Variants in WDR47 observed in about 807,000 individuals in gnomAD.
The protein encoded by WDR47 is WD repeat-containing protein 47.
In WDR47, 32 loss-of-function variants were observed where a neutral mutation model predicts 97.2. The observed-to-expected ratio is 0.33, with a 90% CI of 0.25 to 0.44. The LOEUF is 0.44. Ranked by LOEUF, WDR47 falls within the 20% of genes least tolerant of loss-of-function variation. WDR47 has a pLI of 1.00. For synonymous variants in WDR47, 375 were observed against 373.5 expected, an observed-to-expected ratio of 1.00 and a Z score of -0.05; for missense variants, 782 against 1,102.3, an observed-to-expected ratio of 0.71 and a Z score of 4.11.
chr1:109,023,245 C>T (rs1661978162), intron 2 of WDR47, 110 bp downstream of exon 2: 2 of 1,018,804 alleles, frequency 2.0e-6, no homozygotes, highest in Non-Finnish European at 2.6e-6. Flanking sequence ...ATTATACTTA[C>T]ATAGCCTTTT....
chr1:109,022,138 A>G (rs1303766917), intron 2 of WDR47, among the ~76,000 whole-genome samples: 2 of 152,154 alleles, frequency 1.3e-5, no homozygotes, highest in Non-Finnish European at 2.9e-5. Context: ...TTGAGTCACC[A>G]TGCCCAGCCT....
At chr1:109,013,812 G>A in intron 4 of WDR47, 29 bp downstream of exon 4, 1 of 1,609,498 alleles carries the variant, frequency 6.2e-7, no homozygotes, top group Non-Finnish European at 8.5e-7. Context: ...CAAGACTAGG[G>A]CGCAAACCTT....
intron 6 of WDR47, 107 bp downstream of exon 6, chr1:109,004,485 A>T (rs1233147475): frequency 1.5e-6 from 2 of 1,310,456 alleles, no homozygotes; most frequent in Non-Finnish European, 1.0e-6. Context: ...TATGTATATT[A>T]TTTCCTACTC....
At chr1:108,976,211 A>G (rs149923735) in intron 13 of WDR47, among the ~76,000 whole-genome samples, 1 of 152,318 alleles carries the variant, frequency 6.6e-6, no homozygotes, top group East Asian at 1.9e-4. Context: ...ACTAGAAGAC[A>G]AGAAAGATTT....
rs745848197 is a variant in WDR47, at chr1:109,004,733, C to CA, written c.1131-19dup. Reference sequence around the variant, plus strand: ...GTGTATCACTTCTTCCAGAAACGTGCAAAAAAACAAAAAGGCAGAGGGGGG... The same window carrying CA: ...GTGTATCACTTCTTCCAGAAACGTGCAAAAAAAACAAAAAGGCAGAGGGGGG... On this transcript the variant is annotated intron_variant, in intron 5 of 14. Transcript: ENST00000369962. 1.8e-5 allele frequency: 28 copies of CA among 1,555,832 alleles called. No homozygotes were observed. Among genetic ancestry groups the CA allele is most frequent in the Admixed American group, 1.4e-4 (7 of 48,610 alleles).
At chr1:109,015,928 A>G (rs1203491409) in intron 3 of WDR47, among the ~76,000 whole-genome samples, 4 of 148,850 alleles carry the variant, frequency 2.7e-5, no homozygotes, top group African/African-American at 5.0e-5. Flanking sequence ...GGTTGCAGTG[A>G]GCCAAGATCG....
intron 5 of WDR47, among the ~76,000 whole-genome samples, chr1:109,009,898 T>C (rs1424769773): frequency 1.3e-5 from 2 of 151,898 alleles, no homozygotes; most frequent in Admixed American, 1.3e-4. Context: ...CTCAGGAGGC[T>C]GAGGCAGGAG....
chr1:109,009,021 G>GT, intron 5 of WDR47, among the ~76,000 whole-genome samples: 1 of 152,082 alleles, frequency 6.6e-6, no homozygotes, highest in Non-Finnish European at 1.5e-5. Context: ...GGAGGCAGAG[G>GT]TTGCAGTGAG....
intron 1 of WDR47, among the ~76,000 whole-genome samples, chr1:109,027,593 G>A (rs1454565636): frequency 6.6e-6 from 1 of 151,650 alleles, no homozygotes. Flanking sequence ...GTGCAATCTC[G>A]GTTTACTGCA....
Position 108,986,689 on chromosome 1 carries a change from A to G in WDR47, c.1768-9T>C. 1 of 1,421,572 alleles carries G rather than the reference A, an allele frequency of 7.0e-7. No homozygotes were observed. Among genetic ancestry groups the G allele is most frequent in the Non-Finnish European group, 9.2e-7 (1 of 1,087,150 alleles). The allele number at this position is 1,421,572 out of a possible 1,614,324, so 88.1% of individuals were successfully genotyped here. ...TTTTTTGATTTGTCATCCTATGGAAAGAATGAATATTAGTTATCCTATTAA... is the reference window on the plus strand; with the variant it reads ...TTTTTTGATTTGTCATCCTATGGAAGGAATGAATATTAGTTATCCTATTAA... On this transcript the variant is annotated splice_polypyrimidine_tract_variant and intron_variant, in intron 9 of 14. Transcript: ENST00000369962.
chr1:108,986,696 A>C lies in WDR47; in HGVS notation c.1768-16T>G. ...ATTTGTCATCCTATGGAAAGAATGA[A>C]TATTAGTTATCCTATTAAAAAAATG... On this transcript the variant is annotated splice_polypyrimidine_tract_variant and intron_variant, in intron 9 of 14. Transcript: ENST00000369962. 7.1e-7 allele frequency: 1 copy of C among 1,411,638 alleles called. No individual in the cohort carries two copies. The highest frequency in any genetic ancestry group is 9.3e-7 in the Non-Finnish European group (1 of 1,079,966). The allele number at this position is 1,411,638 out of a possible 1,614,324, so 87.4% of individuals were successfully genotyped here.
intron 5 of WDR47, among the ~76,000 whole-genome samples, chr1:109,009,046 C>CT (rs1660845248): frequency 6.6e-6 from 1 of 151,914 alleles, no homozygotes; most frequent in South Asian, 2.1e-4. Context: ...GATTGTGCCA[C>CT]TGCACTCCAG....
At chr1:108,989,787 C>G (rs959331134) in intron 9 of WDR47, among the ~76,000 whole-genome samples, 8 of 151,846 alleles carry the variant, frequency 5.3e-5, no homozygotes, top group Non-Finnish European at 1.2e-4. Flanking sequence ...CTCTGCCTCC[C>G]AGGTTCAAGC....
At position 108,974,546 on chromosome 1, in the gene WDR47, T is replaced by TG; in HGVS notation, c.2606dup (p.Asp870ArgfsTer41). 1 of 1,614,006 alleles carries TG rather than the reference T, an allele frequency of 6.2e-7. No homozygotes were observed. Among genetic ancestry groups the TG allele is most frequent in the Non-Finnish European group, 8.5e-7 (1 of 1,179,940 alleles). ...GTCGATCTCAATCACCTTGTAGGTC[T>TG]GTCACCTTTATTTTCATATCATAAG... On this transcript the variant is annotated frameshift_variant, in exon 14 of 15. Transcript: ENST00000369962. LOFTEE classifies it high-confidence loss of function.
At chr1:108,998,731 C>T (rs1659943745) in intron 7 of WDR47, among the ~76,000 whole-genome samples, 1 of 152,074 alleles carries the variant, frequency 6.6e-6, no homozygotes, top group Non-Finnish European at 1.5e-5. Context: ...CACCTTACTT[C>T]TCTTCTGTCT....
intron 1 of WDR47, among the ~76,000 whole-genome samples, chr1:109,038,001 A>T (rs2102064344): frequency 6.8e-6 from 1 of 147,892 alleles, no homozygotes; most frequent in South Asian, 2.1e-4. Context: ...CTCAGCTAGC[A>T]TTTTTTTTTT....
At chr1:109,016,789 T>TTA (rs1553234682) in intron 3 of WDR47, among the ~76,000 whole-genome samples, 12 of 143,026 alleles carry the variant, frequency 8.4e-5, no homozygotes, top group African/African-American at 3.1e-4. Context: ...TAGATATAGT[T>TTA]AAAAAAAAAA....
chr1:108,997,773 A>AG (rs1286500786), intron 7 of WDR47, among the ~76,000 whole-genome samples: 81 of 150,858 alleles, frequency 5.4e-4, no homozygotes, highest in African/African-American at 1.2e-3. Context: ...AAAAAAAAAA[A>AG]AAAGAAAGAA....
At chr1:109,004,861 GC>G in intron 5 of WDR47, 146 bp from the exon 6 acceptor site, 1 of 1,012,334 alleles carries the variant, frequency 9.9e-7, no homozygotes, top group African/African-American at 1.7e-5. Context: ...CGCAATCTCC[GC>G]TCACTGCAAC....
Sources: gnomAD v4.1 joint callset for allele counts (sites outside exome capture counted in the v4.1 genomes callset) on GRCh38, gnomAD v4.1.1 for gene constraint, MANE v1.5 for transcripts, NCBI Gene and HGNC (gene_info 2026-07-23, HGNC 2026-07-21) for gene names.